Variants in CC2D2A observed in about 807,000 individuals in gnomAD.
CC2D2A encodes the protein coiled-coil and C2 domain-containing protein 2A.
Under a neutral mutation model 212.9 loss-of-function variants are expected in CC2D2A, and 155 were observed. That is an observed-to-expected ratio of 0.73 (90% CI 0.64 to 0.83). The LOEUF is 0.83. Among genes scored for constraint, CC2D2A ranks in the 40% least tolerant of loss-of-function variants. The probability of loss-of-function intolerance (pLI) is 0.00; values close to 1 mark genes in which losing one functional copy is unlikely to be tolerated. For missense variants in CC2D2A, 1,856 were observed against 1,956.2 expected (o/e 0.95, Z 0.97); for synonymous variants, 667 against 686.5 (o/e 0.97, Z 0.44).
rs1391115434 is a variant in CC2D2A, at chr4:15,481,204, G to A, written c.247+377G>A. The A allele has an allele frequency of 6.6e-6, 3 of 456,416 alleles. 1 individual carries two copies. The highest frequency in any genetic ancestry group is 3.1e-5 in the South Asian group (2 of 64,508). The allele number at this position is 456,416 out of a possible 1,614,324, so 28.3% of individuals were successfully genotyped here. A position where few individuals can be genotyped will look rare whatever the true frequency, so the allele number is the denominator to read the frequency against. ...TGCTCTGTTCACTCACAGGAGAGCT[G>A]GTTGTTAAAAAGAGCCTGGGCAGGC... On this transcript the variant is annotated intron_variant, in intron 4 of 36. Transcript: ENST00000424120.
chr4:15,548,887 A>C (rs1212164623), intron 17 of CC2D2A, among the ~76,000 whole-genome samples: 1 of 152,226 alleles, frequency 6.6e-6, no homozygotes, highest in Non-Finnish European at 1.5e-5. Context: ...GGAACATATC[A>C]GTCAATTACA....
chr4:15,474,873 G>A (rs112419860), intron 1 of CC2D2A, among the ~76,000 whole-genome samples: 4 of 152,278 alleles, frequency 2.6e-5, no homozygotes, highest in African/African-American at 9.6e-5. Flanking sequence ...GAGTATGCTA[G>A]ACCCCAAAAA....
chr4:15,567,290 C>A, intron 24 of CC2D2A, 87 bp from the exon 25 acceptor site: 1 of 1,015,618 alleles, frequency 9.8e-7, no homozygotes. Flanking sequence ...AGAGTGAGAC[C>A]CTATCTCAAT....
At chr4:15,547,583 C>A (rs1424386523) in intron 17 of CC2D2A, among the ~76,000 whole-genome samples, 1 of 152,178 alleles carries the variant, frequency 6.6e-6, no homozygotes, top group African/African-American at 2.4e-5. Flanking sequence ...CTACAACATA[C>A]AACTCACCAC....
intron 14 of CC2D2A, among the ~76,000 whole-genome samples, chr4:15,534,282 C>T (rs1472283403): frequency 1.3e-5 from 2 of 152,086 alleles, no homozygotes; most frequent in Non-Finnish European, 2.9e-5. Flanking sequence ...TGTCTTTTTA[C>T]TCTCTTTTTG....
At chr4:15,479,587 A>G (rs892502087) in intron 3 of CC2D2A, among the ~76,000 whole-genome samples, 1 of 152,076 alleles carries the variant, frequency 6.6e-6, no homozygotes, top group Non-Finnish European at 1.5e-5. Flanking sequence ...TGGGCAGAGG[A>G]GTCACTTTCA....
chr4:15,484,790 A>G (rs1015087517), intron 4 of CC2D2A, among the ~76,000 whole-genome samples: 3 of 152,216 alleles, frequency 2.0e-5, no homozygotes, highest in African/African-American at 7.2e-5. Context: ...TTGAATGGAC[A>G]TGCAAAGTTG....
rs1376882969 is a variant in CC2D2A at position 15,601,524 on chromosome 4, A to G, written c.*99A>G. 2.8e-6 allele frequency: 2 copies of G among 722,792 alleles called. No individual in the cohort carries two copies. Among genetic ancestry groups the G allele is most frequent in the Middle Eastern group, 4.1e-4 (1 of 2,468 alleles). The allele number at this position is 722,792 out of a possible 1,614,324, so 44.8% of individuals were successfully genotyped here. The stretch of plus-strand genomic sequence containing the variant: ...CACATCAGAAGAACATATTATTGGC[A>G]AATAATAAAATTATCAACTGTTTTC... On this transcript the variant is annotated 3_prime_UTR_variant, in exon 37 of 37. Transcript: ENST00000424120.
chr4:15,600,549 CCTCT>C (rs1721542642), intron 36 of CC2D2A, among the ~76,000 whole-genome samples: 1 of 152,114 alleles, frequency 6.6e-6, no homozygotes. Flanking sequence ...CCCAAGATTC[CCTCT>C]GAGACTCCCT....
In CC2D2A at chr4:15,563,444, A is replaced by T. The variant is rs2109065297; in HGVS notation, c.3104A>T (p.Asn1035Ile). The T allele has an allele frequency of 6.2e-7, 1 of 1,611,666 alleles. No homozygotes were observed. The highest frequency in any genetic ancestry group is 8.5e-7 in the Non-Finnish European group (1 of 1,178,950). ...GGTCGGAAGAAGGTGACAGCCCAAA[A>T]CCTGTCTGATGGAGACATAAAGCTG... ...RKGRKKVTAQ[N>I]LSDGDIKLLV... The change falls in exon 24 of 37, where the codon AAC becomes ATC. Residue 1035 changes from asparagine (N) to isoleucine (I), a missense_variant. By Grantham distance (149) the Asn-to-Ile change is moderately radical. Around this residue, in one of 5 missense-constraint regions of CC2D2A, gnomAD observed 1,512 missense variants for 1,579.3 expected, o/e 0.96. Coordinates refer to ENST00000424120, the MANE Select transcript of CC2D2A (RefSeq NM_001378615.1).
At chr4:15,488,676 G>A (rs1023646674) in intron 4 of CC2D2A, among the ~76,000 whole-genome samples, 1 of 152,172 alleles carries the variant, frequency 6.6e-6, no homozygotes, top group African/African-American at 2.4e-5. Context: ...CTGCCCCTCA[G>A]TGATACCAGC....
intron 29 of CC2D2A, among the ~76,000 whole-genome samples, chr4:15,574,697 T>C (rs1720320031): frequency 6.6e-6 from 1 of 152,242 alleles, no homozygotes; most frequent in Admixed American, 6.5e-5. Flanking sequence ...TGACAAGTAT[T>C]GGCAAGAATA....
chr4:15,573,273 G>C (rs963332335), intron 28 of CC2D2A, among the ~76,000 whole-genome samples: 1 of 152,144 alleles, frequency 6.6e-6, no homozygotes, highest in Non-Finnish European at 1.5e-5. Flanking sequence ...TATTTCAGCT[G>C]TACTTTCCAT....
chr4:15,535,005 G>GA (rs958217895), intron 14 of CC2D2A, among the ~76,000 whole-genome samples: 2,838 of 138,452 alleles, frequency 0.02, 93 homozygotes, highest in African/African-American at 0.07. Context: ...TTATAAAATT[G>GA]AAAAAAAAAA....
intron 4 of CC2D2A, among the ~76,000 whole-genome samples, chr4:15,490,637 T>C (rs978737297): frequency 6.6e-5 from 10 of 152,344 alleles, no homozygotes; most frequent in Non-Finnish European, 8.8e-5. Context: ...TGTAAACTTA[T>C]GTTTTCATTT....
chr4:15,550,325 A>C (rs1034847756), intron 17 of CC2D2A, among the ~76,000 whole-genome samples: 4 of 152,228 alleles, frequency 2.6e-5, no homozygotes, highest in African/African-American at 9.6e-5. Context: ...TGAGGCCTGA[A>C]AGAGAAGAAC....
At chr4:15,577,571 G>A (rs1427930474) in intron 29 of CC2D2A, among the ~76,000 whole-genome samples, 4 of 152,058 alleles carry the variant, frequency 2.6e-5, no homozygotes, top group Admixed American at 6.5e-5. Flanking sequence ...GCCTAGACAA[G>A]TATTAAAGAC....
intron 30 of CC2D2A, among the ~76,000 whole-genome samples, chr4:15,585,298 G>T (rs561510970): frequency 6.6e-6 from 1 of 152,284 alleles, no homozygotes; most frequent in East Asian, 1.9e-4. Flanking sequence ...ATACACAATG[G>T]AATGCCAATC....
chr4:15,489,714 G>A (rs1161628939), intron 4 of CC2D2A, among the ~76,000 whole-genome samples: 1 of 152,098 alleles, frequency 6.6e-6, no homozygotes, highest in Non-Finnish European at 1.5e-5. Flanking sequence ...TATTGAAAAT[G>A]TCCTTGCCAA....
Sources: allele counts gnomAD v4.1 joint callset (sites outside exome capture counted in the v4.1 genomes callset), GRCh38; gene constraint gnomAD v4.1.1; regional missense constraint gnomAD v4.1.1; transcripts MANE v1.5; gene names NCBI Gene and HGNC (gene_info 2026-07-23, HGNC 2026-07-21).